SNRNP40: variants seen among roughly 807,000 people sequenced by gnomAD.
The protein encoded by SNRNP40 is U5 small nuclear ribonucleoprotein 40 kDa protein.
Under a neutral mutation model 45.8 loss-of-function variants are expected in SNRNP40, and 21 were observed. That is an observed-to-expected ratio of 0.46 (90% confidence interval 0.32 to 0.66). SNRNP40 has a LOEUF of 0.66. Among genes scored for constraint, SNRNP40 ranks in the 30% least tolerant of loss-of-function variants. The pLI is 0.03. For synonymous variants in SNRNP40, 142 were observed against 163.8 expected (o/e 0.87, Z 1.01); for missense variants, 344 against 439.1 (o/e 0.78, Z 1.94).
intron 7 of SNRNP40, among the ~76,000 whole-genome samples, chr1:31,268,764 G>A (rs374980626): frequency 1.1e-4 from 16 of 152,192 alleles, no homozygotes; most frequent in African/African-American, 3.9e-4. Flanking sequence ...GTATTCTTAG[G>A]GTTCTAACAC....
chr1:31,289,748 G>A (rs745746100), intron 3 of SNRNP40, among the ~76,000 whole-genome samples: 3 of 152,196 alleles, frequency 2.0e-5, no homozygotes, highest in Non-Finnish European at 2.9e-5. Flanking sequence ...CCTCTCACTT[G>A]GAAATGTTTA....
At chr1:31,277,637 G>A (rs557904778) in intron 5 of SNRNP40, among the ~76,000 whole-genome samples, 23 of 152,222 alleles carry the variant, frequency 1.5e-4, no homozygotes, top group African/African-American at 5.3e-4. Context: ...AAAATTCCCC[G>A]AAAATGAAGC....
intron 4 of SNRNP40, among the ~76,000 whole-genome samples, chr1:31,288,265 T>TTA (rs1202343441): frequency 2.0e-5 from 3 of 152,202 alleles, no homozygotes; most frequent in Non-Finnish European, 4.4e-5. Flanking sequence ...CCCTCACTGT[T>TTA]TAACAATTAA....
chr1:31,292,147 G>A (rs1490460978), intron 2 of SNRNP40, 141 bp from the exon 3 acceptor site: 1 of 490,636 alleles, frequency 2.0e-6, no homozygotes, highest in East Asian at 3.6e-5. Flanking sequence ...TGGATCACTT[G>A]AGGTCAGGAG....
chr1:31,265,518 G>GA (rs897103295), intron 8 of SNRNP40, among the ~76,000 whole-genome samples: 3 of 150,928 alleles, frequency 2.0e-5, no homozygotes, highest in South Asian at 2.1e-4. Context: ...CTGCTCATCA[G>GA]AAAAAAAAAG....
Position 31,259,821 on chromosome 1 carries a change from A to T in SNRNP40, c.*251T>A. The T allele has an allele frequency of 1.5e-6, 1 of 651,978 alleles. No individual in the cohort carries two copies. Among genetic ancestry groups the T allele is most frequent in the Non-Finnish European group, 2.8e-6 (1 of 358,740 alleles). 40.4% of individuals were successfully genotyped at this position (651,978 alleles called of 1,614,324 possible). On this transcript the variant is annotated 3_prime_UTR_variant, in exon 10 of 10. Transcript: ENST00000263694. ...TGGGCCTGCATTAGAAAACAGGAAAAAAGAAAAAGAAAAAAAAAAACAGTC... is the reference window on the plus strand; with the variant it reads ...TGGGCCTGCATTAGAAAACAGGAAATAAGAAAAAGAAAAAAAAAAACAGTC...
intron 5 of SNRNP40, among the ~76,000 whole-genome samples, chr1:31,279,620 G>A (rs1646001269): frequency 6.6e-6 from 1 of 152,000 alleles, no homozygotes; most frequent in Admixed American, 6.6e-5. Flanking sequence ...GGTGGCACAC[G>A]CCTGTAGTCC....
At chr1:31,288,641 T>C (rs1358204322) in intron 4 of SNRNP40, among the ~76,000 whole-genome samples, 1 of 149,226 alleles carries the variant, frequency 6.7e-6, no homozygotes, top group African/African-American at 2.5e-5. Context: ...GAACTTTTTA[T>C]ATATTGTCTA....
rs777617113 is a variant in SNRNP40 at position 31,260,043 on chromosome 1, G to T, written c.*29C>A. 12 of 1,566,106 alleles carry T rather than the reference G, an allele frequency of 7.7e-6. No homozygotes were observed. The highest frequency in any genetic ancestry group is 1.1e-5 in the Non-Finnish European group (12 of 1,136,620). ...ATGCAGTCTGAGGTCTCAAAGACAAGCGGCCTTGGAGTCTTCCAGTCCATA... is the reference window on the plus strand; with the variant it reads ...ATGCAGTCTGAGGTCTCAAAGACAATCGGCCTTGGAGTCTTCCAGTCCATA... On this transcript the variant is annotated 3_prime_UTR_variant, in exon 10 of 10. Transcript: ENST00000263694.
At chr1:31,273,192 T>C (rs1557675465) in intron 5 of SNRNP40, among the ~76,000 whole-genome samples, 1 of 152,206 alleles carries the variant, frequency 6.6e-6, no homozygotes, top group Non-Finnish European at 1.5e-5. Context: ...TTGTTCCTTC[T>C]CTTCTGAGAA....
chr1:31,275,241 G>A (rs1444363153), intron 5 of SNRNP40, among the ~76,000 whole-genome samples: 1 of 152,128 alleles, frequency 6.6e-6, no homozygotes, highest in Admixed American at 6.5e-5. Context: ...GATGTCTACG[G>A]TTCTTTTCAG....
chr1:31,285,244 T>C (rs536745300), intron 4 of SNRNP40, among the ~76,000 whole-genome samples: 1 of 149,194 alleles, frequency 6.7e-6, no homozygotes, highest in African/African-American at 2.5e-5. Flanking sequence ...CTTATCACCT[T>C]TTTTTTTTTT....
intron 7 of SNRNP40, 142 bp from the exon 8 acceptor site, chr1:31,268,074 C>A: frequency 1.7e-6 from 1 of 572,666 alleles, no homozygotes; most frequent in South Asian, 2.1e-5. Context: ...ATCTTATATT[C>A]TATGGCCCAA....
At chr1:31,284,852 T>C (rs1454288328) in intron 4 of SNRNP40, among the ~76,000 whole-genome samples, 6 of 152,188 alleles carry the variant, frequency 3.9e-5, no homozygotes, top group Admixed American at 1.3e-4. Flanking sequence ...CTCAGATAAA[T>C]GGTCTAAAAA....
At chr1:31,286,545 T>G (rs1646060670) in intron 4 of SNRNP40, among the ~76,000 whole-genome samples, 1 of 152,130 alleles carries the variant, frequency 6.6e-6, no homozygotes, top group African/African-American at 2.4e-5. Context: ...GTCATCATCT[T>G]GCTCAGTCTC....
At chr1:31,271,160 ATCT>A in intron 6 of SNRNP40, 1 of 453,038 alleles carries the variant, frequency 2.2e-6, no homozygotes, top group Non-Finnish European at 3.9e-6. Flanking sequence ...GTAAAGTCCA[ATCT>A]TCTTATCAAT....
chr1:31,261,468 T>C (rs1278527111), intron 9 of SNRNP40, 61 bp downstream of exon 9: 13 of 1,107,300 alleles, frequency 1.2e-5, no homozygotes, highest in East Asian at 9.4e-5. Flanking sequence ...GACTCTCTAT[T>C]CCCAGGATCC....
intron 8 of SNRNP40, among the ~76,000 whole-genome samples, chr1:31,267,610 A>G (rs771042830): frequency 2.0e-5 from 3 of 152,028 alleles, no homozygotes; most frequent in Non-Finnish European, 2.9e-5. Flanking sequence ...ATCTCGGCTC[A>G]CCGCAACCTC....
chr1:31,292,046 G>C, intron 2 of SNRNP40, 40 bp from the exon 3 acceptor site: 1 of 1,307,496 alleles, frequency 7.6e-7, no homozygotes, highest in Non-Finnish European at 1.1e-6. Context: ...ACTAGGCAAA[G>C]GGTACTTATA....
Sources: gnomAD v4.1 joint callset for allele counts (sites outside exome capture counted in the v4.1 genomes callset) on GRCh38, gnomAD v4.1.1 for gene constraint, MANE v1.5 for transcripts, NCBI Gene and HGNC (gene_info 2026-07-23, HGNC 2026-07-21) for gene names.